ERC1: variants seen among roughly 807,000 people sequenced by gnomAD.
ERC1 encodes the protein RAB6 interacting protein 2.
A neutral mutation model predicts 132.0 loss-of-function variants in ERC1; 56 were observed. The ratio of observed to expected loss-of-function variants is 0.42; its 90% CI spans 0.34 to 0.53. ERC1 has a LOEUF of 0.53. ERC1 is among the 20% of genes least tolerant of loss of function. ERC1 has a pLI of 0.03. For synonymous variants in ERC1, 478 were observed against 476.1 expected (o/e 1.00, Z -0.05); for missense variants, 1,202 against 1,349.9 (o/e 0.89, Z 1.72).
chr12:1,265,718 A>C (rs187228371), intron 14 of ERC1, among the ~76,000 whole-genome samples: 3 of 152,076 alleles, frequency 2.0e-5, no homozygotes, highest in African/African-American at 7.2e-5. Flanking sequence ...TGCCCCACCG[A>C]TTTATTCCTT....
intron 12 of ERC1, among the ~76,000 whole-genome samples, chr12:1,195,606 C>G (rs983790685): frequency 6.6e-6 from 1 of 152,198 alleles, no homozygotes; most frequent in Non-Finnish European, 1.5e-5. Context: ...ACCCCTTTCT[C>G]CTGAACATTA....
At position 1,180,540 on chromosome 12, in the gene ERC1, A is replaced by G. The variant is rs993317245; in HGVS notation, c.1738A>G (p.Ile580Val). ...ERKVNVLQKK[I>V]ENLQEQLRDK... ...CCCTTAAATATTTATGTACATTTAG[A>G]TTGAAAATCTTCAAGAGCAGCTTAG... Residue 580 changes from isoleucine to valine, a missense_variant and splice_region_variant, in exon 9 of 19, where the codon ATT (isoleucine) becomes GTT (valine). By Grantham distance (29) the Ile-to-Val change is conservative. Coordinates refer to ENST00000360905, the MANE Select transcript of ERC1 (RefSeq NM_178040.4). 1.2e-6 allele frequency: 2 copies of G among 1,613,634 alleles called. No homozygotes were observed. The highest frequency in any genetic ancestry group is 1.3e-5 in the African/African-American group (1 of 74,922).
At chr12:1,356,241 T>TGTGTGTGG (rs2085526370) in intron 15 of ERC1, among the ~76,000 whole-genome samples, 3 of 150,208 alleles carry the variant, frequency 2.0e-5, no homozygotes, top group African/African-American at 7.4e-5. Flanking sequence ...TGTGTGTGTG[T>TGTGTGTGG]GTGTGTTTAT....
At chr12:1,185,096 A>T (rs1954928443) in intron 11 of ERC1, among the ~76,000 whole-genome samples, 1 of 152,158 alleles carries the variant, frequency 6.6e-6, no homozygotes, top group Admixed American at 6.5e-5. Flanking sequence ...TTTTTAGTAG[A>T]GATGGGGTTT....
At chr12:1,077,945 T>C (rs368377286) in intron 2 of ERC1, among the ~76,000 whole-genome samples, 1 of 152,218 alleles carries the variant, frequency 6.6e-6, no homozygotes, top group African/African-American at 2.4e-5. Flanking sequence ...AAAACTGCTG[T>C]ATAGACTTCT....
At chr12:1,103,735 G>C (rs1222002702) in intron 3 of ERC1, among the ~76,000 whole-genome samples, 1 of 152,148 alleles carries the variant, frequency 6.6e-6, no homozygotes, top group East Asian at 1.9e-4. Flanking sequence ...ATGACATCTT[G>C]CCATGTTGCC....
intron 2 of ERC1, among the ~76,000 whole-genome samples, chr12:1,049,403 A>C (rs1242020711): frequency 6.6e-6 from 1 of 152,188 alleles, no homozygotes; most frequent in Non-Finnish European, 1.5e-5. Context: ...AGAAACTTAA[A>C]AAACAAACAA....
At chr12:1,394,599 T>G (rs997260230) in intron 16 of ERC1, among the ~76,000 whole-genome samples, 2 of 152,162 alleles carry the variant, frequency 1.3e-5, no homozygotes, top group Non-Finnish European at 2.9e-5. Flanking sequence ...CCTGTTGTTC[T>G]CATGATAGTG....
intron 8 of ERC1, among the ~76,000 whole-genome samples, chr12:1,175,817 G>GA (rs1184943554): frequency 6.6e-6 from 1 of 152,120 alleles, no homozygotes; most frequent in African/African-American, 2.4e-5. Context: ...TTACAGGTGT[G>GA]AGCCACTGCG....
chr12:1,337,693 A>G (rs1475708733), intron 15 of ERC1, among the ~76,000 whole-genome samples: 4 of 152,170 alleles, frequency 2.6e-5, no homozygotes, highest in Non-Finnish European at 5.9e-5. Flanking sequence ...TTTCCTTTCC[A>G]TATTTAGTGC....
chr12:1,183,557 T>C (rs924414770), intron 11 of ERC1, 136 bp downstream of exon 11: 7 of 477,846 alleles, frequency 1.5e-5, no homozygotes, highest in Non-Finnish European at 2.2e-5. Context: ...TATATCTGAA[T>C]TAATTATCTT....
At chr12:1,400,908 ATTTTTGTATTTTTTTT>A (rs2090971438) in intron 16 of ERC1, among the ~76,000 whole-genome samples, 2 of 43,408 alleles carry the variant, frequency 4.6e-5, no homozygotes, top group Non-Finnish European at 1.1e-4. Context: ...TGTTTTGGCT[ATTTTTGTATTTTTTTT>A]TTTTTTTTTT....
intron 12 of ERC1, among the ~76,000 whole-genome samples, chr12:1,223,335 A>T (rs1433186544): frequency 6.6e-6 from 1 of 152,212 alleles, no homozygotes; most frequent in Admixed American, 6.5e-5. Context: ...GAGCAGCAAT[A>T]ACAAAGTAAA....
intron 17 of ERC1, among the ~76,000 whole-genome samples, chr12:1,440,418 G>C (rs560296311): frequency 1.3e-5 from 2 of 150,554 alleles, no homozygotes; most frequent in South Asian, 2.1e-4. Context: ...GTGTTAGCCA[G>C]GATGGTCTCG....
At chr12:1,320,872 T>A (rs2082071300) in intron 15 of ERC1, among the ~76,000 whole-genome samples, 1 of 152,140 alleles carries the variant, frequency 6.6e-6, no homozygotes, top group South Asian at 2.1e-4. Context: ...CAGCTAATTT[T>A]TTGTATTTTT....
Position 1,406,338 on chromosome 12 carries a change from CTA to C in ERC1, c.2926-1809_2926-1808del, listed in dbSNP as rs573477727. On this transcript the variant is annotated intron_variant, in intron 16 of 18. Transcript: ENST00000360905. ...AATTTTTTTTATGAAACTAGACAAA[CTA>C]TTTTTAATTCATCTAGAAACTAAAA... is the stretch of plus-strand genomic sequence containing the variant. 3.9e-5 allele frequency among the ~76,000 whole-genome samples: 6 copies of C among 152,236 alleles called. No individual in the cohort carries two copies. In the South Asian group the frequency reaches 6.2e-4, roughly 16 times the overall value.
At chr12:1,441,691 C>G (rs1024137690) in intron 17 of ERC1, among the ~76,000 whole-genome samples, 2 of 151,898 alleles carry the variant, frequency 1.3e-5, no homozygotes, top group African/African-American at 2.4e-5. Flanking sequence ...AGTGAAAATC[C>G]CAAAGGTGAT....
intron 15 of ERC1, among the ~76,000 whole-genome samples, chr12:1,320,962 A>G (rs949939873): frequency 2.0e-5 from 3 of 152,204 alleles, no homozygotes; most frequent in Non-Finnish European, 2.9e-5. Context: ...CAGCTTCCCA[A>G]AGTACTGGGA....
intron 8 of ERC1, among the ~76,000 whole-genome samples, chr12:1,147,660 T>C (rs1019714717): frequency 6.6e-6 from 1 of 152,226 alleles, no homozygotes; most frequent in African/African-American, 2.4e-5. Context: ...AACTTTTCTT[T>C]AAGTGTAGGA....
Sources: gnomAD v4.1 joint callset for allele counts (sites outside exome capture counted in the v4.1 genomes callset) on GRCh38, gnomAD v4.1.1 for gene constraint, MANE v1.5 for transcripts, NCBI Gene and HGNC (gene_info 2026-07-23, HGNC 2026-07-21) for gene names.